VILL: variants seen among roughly 807,000 people sequenced by gnomAD.
VILL encodes villin-like protein.
VILL carries 102 observed loss-of-function variants against 106.3 expected under a neutral mutation model. That is an observed-to-expected ratio of 0.96 (90% CI 0.82 to 1.13). VILL has a LOEUF of 1.13. Among genes scored for constraint, VILL ranks in the 50% most tolerant of loss-of-function variants. The probability of loss-of-function intolerance (pLI) is 0.00; values close to 1 mark genes in which losing one functional copy is unlikely to be tolerated. For missense variants in VILL, 1,076 were observed against 1,116.6 expected (o/e 0.96, Z 0.52); for synonymous variants, 431 against 440.3 (o/e 0.98, Z 0.27).
rs1296173657 is a variant in VILL, at chr3:37,997,940, G to A, written c.765-150G>A. The A allele has an allele frequency of 7.3e-6, 6 of 823,806 alleles. No homozygotes were observed. Among genetic ancestry groups the A allele is most frequent in the Non-Finnish European group, 1.1e-5 (6 of 536,706 alleles). 51.0% of individuals were successfully genotyped at this position (823,806 alleles called of 1,614,324 possible). A position where few individuals can be genotyped will look rare whatever the true frequency, so the allele number is the denominator to read the frequency against. ...GGAGCTGCCTAAAGCTCCACAGCAA[G>A]GCTGCAGTAAAAGTGAAGACTACAA... On this transcript the variant is annotated intron_variant, in intron 7 of 19. Transcript: ENST00000383759. The surrounding 1 kb of genome is among the most constrained non-coding windows in gnomAD (Gnocchi z 4.7).
chr3:38,006,637 G>A lies in VILL; in HGVS notation c.2394G>A (p.Arg798=). The A allele has an allele frequency of 4.3e-6, 7 of 1,613,830 alleles. No homozygotes were observed. The highest frequency in any genetic ancestry group is 5.1e-6 in the Non-Finnish European group (6 of 1,180,002). ...CCACGATCAACGGGGGCCTGCGCCGGGAACAACTGATGCACCAGGCTGTTG... is the reference window on the plus strand; with the variant it reads ...CCACGATCAACGGGGGCCTGCGCCGAGAACAACTGATGCACCAGGCTGTTG... ...TSATINGGLR[R]EQLMHQAVED... The change falls in exon 19 of 20, where the codon CGG becomes CGA. Residue 798 remains arginine (R), a synonymous_variant. Coordinates refer to ENST00000383759, the MANE Select transcript of VILL (RefSeq NM_015873.4).
intron 16 of VILL, among the ~76,000 whole-genome samples, chr3:38,005,585 C>T (rs907200173): frequency 1.3e-5 from 2 of 152,080 alleles, no homozygotes; most frequent in Non-Finnish European, 1.5e-5. Context: ...GTGGATTGAA[C>T]GTGTGTGTGC....
At chr3:38,001,657 A>C (rs781306115) in intron 12 of VILL, 45 bp from the exon 13 acceptor site, 28 of 1,613,440 alleles carry the variant, frequency 1.7e-5, no homozygotes, top group Non-Finnish European at 2.4e-5. Context: ...TGGGAGTGAA[A>C]TGTGAGAGCT....
In VILL at chr3:38,002,515, C is replaced by T. The variant is rs780373491; in HGVS notation, c.1599C>T (p.Leu533=). ...TMEVPARASS[L]NSSDIFLLVT... is the part of the protein sequence containing the mutation. Reference sequence around the variant, plus strand: ...AGGTGCCAGCCCGTGCCTCATCCCTCAACTCCAGTGACATCTTCTTGCTGG... The same window carrying T: ...AGGTGCCAGCCCGTGCCTCATCCCTTAACTCCAGTGACATCTTCTTGCTGG... The change falls in exon 14 of 20, where the codon CTC becomes CTT. Residue 533 remains leucine (L), a synonymous_variant. Transcript: ENST00000383759. 2 of 1,614,240 alleles carry T rather than the reference C, an allele frequency of 1.2e-6. No individual in the cohort carries two copies. Among genetic ancestry groups the T allele is most frequent in the East Asian group, 2.2e-5 (1 of 44,892 alleles).
chr3:38,001,158 G>T (rs1015693182), intron 11 of VILL: 45 of 542,088 alleles, frequency 8.3e-5, no homozygotes, highest in African/African-American at 8.1e-4. Flanking sequence ...GGACTGAACT[G>T]CCCCTAACCA....
upstream of VILL, among the ~76,000 whole-genome samples, chr3:37,989,891 T>C (rs1699589313): frequency 6.6e-6 from 1 of 152,178 alleles, no homozygotes; most frequent in South Asian, 2.1e-4. Context: ...AGTCACACAC[T>C]AGCTGTAGGT....
chr3:37,996,718 G>A (rs1448353939), intron 5 of VILL, among the ~76,000 whole-genome samples: 1 of 152,184 alleles, frequency 6.6e-6, no homozygotes, highest in Non-Finnish European at 1.5e-5. Context: ...ACTCTCAAAA[G>A]TGTGTCCGTT....
At position 38,006,953 on chromosome 3, in the gene VILL, A is replaced by G. The variant is rs2125540632; in HGVS notation, c.2469A>G (p.Ser823=). ...VDPARREFYL[S]DSDFQDIFGK... is the part of the protein sequence containing the mutation. ...TCTCCCCTGCCCAGTTCTATCTCTC[A>G]GACTCTGACTTCCAAGATATCTTTG... The change falls in exon 20 of 20, where the codon TCA becomes TCG. Residue 823 remains serine, a synonymous_variant. Transcript: ENST00000383759. The G allele has an allele frequency of 6.2e-7, 1 of 1,613,998 alleles. No individual in the cohort carries two copies. The highest frequency in any genetic ancestry group is 8.5e-7 in the Non-Finnish European group (1 of 1,179,908).
At position 37,995,789 on chromosome 3, in the gene VILL, T is replaced by G; in HGVS notation, c.392T>G (p.Leu131Trp). Residue 131 changes from leucine to tryptophan, a missense_variant, in exon 5 of 20, where the codon TTG becomes TGG. Coordinates refer to ENST00000383759, the MANE Select transcript of VILL (RefSeq NM_015873.4). The stretch of plus-strand genomic sequence containing the variant: ...GACCTCAAGCATGTGGAGACCAACT[T>G]GTTCAACATCCAGCGACTGCTGCAC... ...ASDLKHVETNLFNIQRLLHIK... is the reference protein window; with the variant it reads ...ASDLKHVETNWFNIQRLLHIK... 6.2e-7 allele frequency: 1 copy of G among 1,614,038 alleles called. No homozygotes were observed. The highest frequency in any genetic ancestry group is 8.5e-7 in the Non-Finnish European group (1 of 1,179,930).
upstream of VILL, among the ~76,000 whole-genome samples, chr3:37,989,418 CAG>C (rs1699584784): frequency 6.6e-6 from 1 of 152,078 alleles, no homozygotes; most frequent in Admixed American, 6.5e-5. Flanking sequence ...GGAAAACAAA[CAG>C]GAGTGAAGGC....
Position 37,999,387 on chromosome 3 carries a change from C to T in VILL, c.1130C>T (p.Pro377Leu). The T allele has an allele frequency of 6.6e-7, 1 of 1,506,102 alleles. No individual in the cohort carries two copies. The highest frequency in any genetic ancestry group is 8.8e-7 in the Non-Finnish European group (1 of 1,130,362). The allele number at this position is 1,506,102 out of a possible 1,614,324, so 93.3% of individuals were successfully genotyped here. A position where few individuals can be genotyped will look rare whatever the true frequency, so the allele number is the denominator to read the frequency against. The change falls in exon 11 of 20, where the codon CCT becomes CTT. Residue 377 changes from proline (P) to leucine (L), a missense_variant. By Grantham distance (98) the Pro-to-Leu change is moderately conservative. Coordinates refer to ENST00000383759, the MANE Select transcript of VILL (RefSeq NM_015873.4). Reference sequence around the variant, plus strand: ...GACGTGGGCAAGCTGCACACCCAGCCTAAGTTAGCGGCCCAGCTCAGGATG... The same window carrying T: ...GACGTGGGCAAGCTGCACACCCAGCTTAAGTTAGCGGCCCAGCTCAGGATG... ...KLDVGKLHTQ[P>L]KLAAQLRMVD...
chr3:38,006,201 A>C lies in VILL; in HGVS notation c.2154A>C (p.Glu718Asp). 1 of 1,614,190 alleles carries C rather than the reference A, an allele frequency of 6.2e-7. No individual in the cohort carries two copies. Reference protein sequence around the residue: ...YKWTSHPSHKEVVDGSPAAAS... With the variant: ...YKWTSHPSHKDVVDGSPAAAS... ...TCCAGAGCCACCCGTCCCACAAGGA[A>C]GTGGTGGATGGCAGCCCGGCAGCAG... Residue 718 changes from glutamate to aspartate, a missense_variant, in exon 18 of 20, where the codon GAA becomes GAC. Coordinates refer to ENST00000383759, the MANE Select transcript of VILL (RefSeq NM_015873.4).
At chr3:37,991,921 A>C (rs1455937225) in intron 1 of VILL, among the ~76,000 whole-genome samples, 2 of 152,058 alleles carry the variant, frequency 1.3e-5, no homozygotes, top group African/African-American at 4.8e-5. Context: ...GGTGAAAGAG[A>C]ATGAACACAG....
At chr3:37,989,864 T>C (rs1699589084), upstream of VILL, among the ~76,000 whole-genome samples, 1 of 152,152 alleles carries the variant, frequency 6.6e-6, no homozygotes, top group African/African-American at 2.4e-5. Context: ...GGACCCTGCA[T>C]TGTGTCTGTT....
Position 38,006,232 on chromosome 3 carries a change from A to G in VILL, c.2185A>G (p.Thr729Ala), listed in dbSNP as rs752506212. 2 of 1,614,088 alleles carry G rather than the reference A, an allele frequency of 1.2e-6. No individual in the cohort carries two copies. Among genetic ancestry groups the G allele is most frequent in the Non-Finnish European group, 8.5e-7 (1 of 1,180,036 alleles). ...VVDGSPAAASTISEITAEVNN... is the reference protein window; with the variant it reads ...VVDGSPAAASAISEITAEVNN... ...GGATGGCAGCCCGGCAGCAGCATCA[A>G]CCATCTCTGAGATAACAGCAGTGAG... Residue 729 changes from threonine to alanine, a missense_variant, in exon 18 of 20, where the codon ACC (threonine) becomes GCC (alanine). By Grantham distance (58) the Thr-to-Ala change is moderately conservative. Coordinates refer to ENST00000383759, the MANE Select transcript of VILL (RefSeq NM_015873.4).
In VILL at chr3:37,998,258, G is replaced by A; in HGVS notation, c.844-8G>A. On this transcript the variant is annotated splice_region_variant and splice_polypyrimidine_tract_variant and intron_variant, in intron 8 of 19. Transcript: ENST00000383759. This position sits in a 1 kb window ranked among gnomAD's most constrained non-coding sequence, Gnocchi z 4.1. ...CCACCTACTGACCAGCCCCACCCTTGCTCCCAGGACTTCTACATCCTGGAC... is the reference window on the plus strand; with the variant it reads ...CCACCTACTGACCAGCCCCACCCTTACTCCCAGGACTTCTACATCCTGGAC... 6.2e-7 allele frequency: 1 copy of A among 1,614,118 alleles called. No individual in the cohort carries two copies. Among genetic ancestry groups the A allele is most frequent in the Non-Finnish European group, 8.5e-7 (1 of 1,179,980 alleles).
intron 3 of VILL, 139 bp downstream of exon 3, chr3:37,994,111 G>C (rs1699655574): frequency 7.0e-7 from 1 of 1,419,790 alleles, no homozygotes; most frequent in Non-Finnish European, 9.8e-7. Context: ...GGCGGTTACC[G>C]TTGAGGCTTC....
chr3:38,004,311 T>A lies in VILL; in HGVS notation c.1862T>A (p.Met621Lys), dbSNP rs778569131. Reference sequence around the variant, plus strand: ...CGACTGTTTGAGTGCTCCAGCCACATGGGCTGCCTGGTCCTCGCAGAAGTG... The same window carrying A: ...CGACTGTTTGAGTGCTCCAGCCACAAGGGCTGCCTGGTCCTCGCAGAAGTG... ...QPRLFECSSHMGCLVLAEVGF... is the reference protein window; with the variant it reads ...QPRLFECSSHKGCLVLAEVGF... Residue 621 changes from methionine to lysine, a missense_variant, in exon 16 of 20, where the codon ATG becomes AAG. Physicochemically the swap from Met to Lys is moderately conservative, Grantham distance 95. Coordinates refer to ENST00000383759, the MANE Select transcript of VILL (RefSeq NM_015873.4). 6.2e-7 allele frequency: 1 copy of A among 1,613,938 alleles called. No individual in the cohort carries two copies. The highest frequency in any genetic ancestry group is 1.7e-5 in the Admixed American group (1 of 60,026).
chr3:37,997,388 C>T lies in VILL; in HGVS notation c.562-95C>T. 4 of 1,393,952 alleles carry T rather than the reference C, an allele frequency of 2.9e-6. No individual in the cohort carries two copies. The highest frequency in any genetic ancestry group is 1.2e-5 in the South Asian group (1 of 81,374). 86.3% of individuals were successfully genotyped at this position (1,393,952 alleles called of 1,614,324 possible). A position where few individuals can be genotyped will look rare whatever the true frequency, so the allele number is the denominator to read the frequency against. On this transcript the variant is annotated intron_variant, in intron 6 of 19. Transcript: ENST00000383759. This position sits in a 1 kb window ranked among gnomAD's most constrained non-coding sequence, Gnocchi z 4.7. ...GGATGAGGGGACATCAGCCCTTCTC[C>T]CCATCAGCCTCTGGGAGCTGAGCAG... is the stretch of plus-strand genomic sequence containing the variant.
Sources: gnomAD v4.1 joint callset for allele counts (sites outside exome capture counted in the v4.1 genomes callset) on GRCh38, gnomAD v4.1.1 for gene constraint, Gnocchi (gnomAD v3.1) non-coding constraint, MANE v1.5 for transcripts, NCBI Gene and HGNC (gene_info 2026-07-23, HGNC 2026-07-21) for gene names.